Variants in TMEM51 observed in about 807,000 individuals in gnomAD.
TMEM51 encodes the protein transmembrane protein 51.
TMEM51 carries 8 observed loss-of-function variants against 13.6 expected under a neutral mutation model. The ratio of observed to expected loss-of-function variants is 0.59; its 90% CI spans 0.35 to 1.07. The LOEUF is 1.07. Ranked by LOEUF, TMEM51 falls within the 50% of genes least tolerant of loss-of-function variation. TMEM51 has a pLI of 0.02. For missense variants in TMEM51, 279 were observed against 330.7 expected (o/e 0.84, Z 1.21); for synonymous variants, 147 against 144.4 (o/e 1.02, Z -0.13).
chr1:15,214,654 G>C lies in TMEM51; in HGVS notation c.-193-241G>C, dbSNP rs112080530. Among the ~76,000 whole-genome samples, 567 of 152,364 alleles carry C rather than the reference G, an allele frequency of 3.7e-3. 3 individuals are homozygous for C. The highest frequency in any genetic ancestry group is 4.5e-3 in the Non-Finnish European group (307 of 68,032). On this transcript the variant is annotated intron_variant, in intron 2 of 3. Transcript: ENST00000376008. ...TCCGACCTTTCTGGCCTCCAGCAGG[G>C]AAAGGTCTGGCTTTTCCTTTTCAGG...
chr1:15,178,382 G>C (rs1439187558), intron 1 of TMEM51, among the ~76,000 whole-genome samples: 1 of 152,148 alleles, frequency 6.6e-6, no homozygotes, highest in Non-Finnish European at 1.5e-5. Flanking sequence ...CCAGGATGAG[G>C]ACTCTGAGGC....
chr1:15,186,047 G>A (rs1279741289), intron 1 of TMEM51, among the ~76,000 whole-genome samples: 2 of 152,230 alleles, frequency 1.3e-5, no homozygotes, highest in African/African-American at 4.8e-5. Flanking sequence ...CCAGCTACCT[G>A]TGTCCTGAGC....
At chr1:15,167,124 G>A (rs575013201) in intron 1 of TMEM51, among the ~76,000 whole-genome samples, 3 of 152,046 alleles carry the variant, frequency 2.0e-5, no homozygotes, top group South Asian at 2.1e-4. Context: ...TCAGGAGATC[G>A]AGACCATCCT....
chr1:15,177,428 G>A (rs534425227), intron 1 of TMEM51, among the ~76,000 whole-genome samples: 3 of 152,104 alleles, frequency 2.0e-5, no homozygotes, highest in South Asian at 4.1e-4. Context: ...TAGGGAAGTC[G>A]GGAGGAACCA....
intron 1 of TMEM51, among the ~76,000 whole-genome samples, chr1:15,170,287 C>T (rs866778046): frequency 2.6e-4 from 40 of 151,858 alleles, no homozygotes; most frequent in African/African-American, 9.2e-4. Context: ...CCTTTCCCTC[C>T]TCTCCCCCGG....
chr1:15,197,326 C>T (rs1164018985), intron 1 of TMEM51, among the ~76,000 whole-genome samples: 1 of 152,146 alleles, frequency 6.6e-6, no homozygotes, highest in Non-Finnish European at 1.5e-5. Flanking sequence ...GAAAACCAGG[C>T]ACTGTTCCCA....
In TMEM51 at chr1:15,208,353, G is replaced by A. The variant is rs117534582; in HGVS notation, c.-266-2137G>A. On this transcript the variant is annotated intron_variant, in intron 1 of 3. Transcript: ENST00000376008. ...AAGTAGTAAGATAGCCAGGCATGGT[G>A]GCTCATGCCTGCAATCCCAGCACTT... 1.5e-3 allele frequency among the ~76,000 whole-genome samples: 227 copies of A among 152,260 alleles called. 4 individuals carry two copies. In the East Asian group the frequency reaches 0.039, roughly 26 times the overall value.
At chr1:15,186,878 C>T (rs1464473103) in intron 1 of TMEM51, among the ~76,000 whole-genome samples, 1 of 152,048 alleles carries the variant, frequency 6.6e-6, no homozygotes, top group Non-Finnish European at 1.5e-5. Context: ...TGGGGTTGGT[C>T]CAGACCAAGC....
chr1:15,176,002 A>ATC (rs1643446143), intron 1 of TMEM51, among the ~76,000 whole-genome samples: 1 of 152,156 alleles, frequency 6.6e-6, no homozygotes. Context: ...AAAAGAACCC[A>ATC]TCTTCCACCT....
intron 1 of TMEM51, among the ~76,000 whole-genome samples, chr1:15,184,045 C>T (rs1220610170): frequency 6.6e-6 from 1 of 151,996 alleles, no homozygotes; most frequent in Non-Finnish European, 1.5e-5. Context: ...TCCTTCCTTC[C>T]GCCTTTCTTT....
intron 2 of TMEM51, among the ~76,000 whole-genome samples, chr1:15,212,428 G>A (rs903983099): frequency 7.9e-5 from 12 of 152,226 alleles, no homozygotes; most frequent in Non-Finnish European, 1.5e-5. Flanking sequence ...ATGAGGGCAG[G>A]CAGTGAGGGG....
intron 1 of TMEM51, among the ~76,000 whole-genome samples, chr1:15,194,625 G>A (rs1644008681): frequency 6.6e-6 from 1 of 152,188 alleles, no homozygotes; most frequent in Non-Finnish European, 1.5e-5. Context: ...GCCCTACACA[G>A]CCGCTTCCTA....
chr1:15,184,344 T>C (rs1295163222), intron 1 of TMEM51, among the ~76,000 whole-genome samples: 2 of 152,212 alleles, frequency 1.3e-5, no homozygotes, highest in African/African-American at 4.8e-5. Context: ...TCACCAGCTC[T>C]CAGGGCTGTT....
At chr1:15,186,095 A>G (rs1178474480) in intron 1 of TMEM51, among the ~76,000 whole-genome samples, 1 of 152,184 alleles carries the variant, frequency 6.6e-6, no homozygotes, top group Non-Finnish European at 1.5e-5. Flanking sequence ...CCACTCAGCC[A>G]GTAGAGAGAG....
In TMEM51 at chr1:15,191,517, G is replaced by T. The variant is rs188707143; in HGVS notation, c.-266-18973G>T. Among the ~76,000 whole-genome samples the T allele has an allele frequency of 1.4e-3, 216 of 152,272 alleles. 1 individual carries two copies. Among genetic ancestry groups the T allele is most frequent in the African/African-American group, 5.1e-3 (211 of 41,572 alleles). Reference sequence around the variant, plus strand: ...AAGTCGCCTCACCTGGCCCCCAGAGGCCCCTGCTGGGAAGGGCAGCCACCA... The same window carrying T: ...AAGTCGCCTCACCTGGCCCCCAGAGTCCCCTGCTGGGAAGGGCAGCCACCA... On this transcript the variant is annotated intron_variant, in intron 1 of 3. Coordinates refer to ENST00000376008, the MANE Select transcript of TMEM51 (RefSeq NM_001136218.2).
At chr1:15,193,575 C>CTTTCTT (rs1249772503) in intron 1 of TMEM51, among the ~76,000 whole-genome samples, 1 of 114,656 alleles carries the variant, frequency 8.7e-6, no homozygotes, top group African/African-American at 3.6e-5. Flanking sequence ...TTCTTTCTTT[C>CTTTCTT]TTTTTTTTTT....
At chr1:15,215,551 T>C (rs1223891812) in intron 3 of TMEM51, 120 bp downstream of exon 3, 14 of 988,026 alleles carry the variant, frequency 1.4e-5, no homozygotes, top group Non-Finnish European at 1.7e-5. Context: ...TTGTCCCATG[T>C]TCGCCCATGA....
intron 1 of TMEM51, among the ~76,000 whole-genome samples, chr1:15,187,835 C>T (rs572087389): frequency 6.6e-6 from 1 of 152,114 alleles, no homozygotes; most frequent in Non-Finnish European, 1.5e-5. Flanking sequence ...CCTCAAAACA[C>T]CCCGGCCAAG....
intron 1 of TMEM51, among the ~76,000 whole-genome samples, chr1:15,186,189 T>C (rs954409552): frequency 6.6e-6 from 1 of 152,178 alleles, no homozygotes; most frequent in Non-Finnish European, 1.5e-5. Flanking sequence ...TGGGGGTAAA[T>C]GGCGTGAAGG....
Sources: gnomAD v4.1 joint callset for allele counts (sites outside exome capture counted in the v4.1 genomes callset) on GRCh38, gnomAD v4.1.1 for gene constraint, MANE v1.5 for transcripts, NCBI Gene and HGNC (gene_info 2026-07-23, HGNC 2026-07-21) for gene names.